NBAS: variants seen among roughly 807,000 people sequenced by gnomAD.
The protein encoded by NBAS is NAG/BC035112 fusion.
Under a neutral mutation model 302.5 loss-of-function variants are expected in NBAS, and 219 were observed. That is an observed-to-expected ratio of 0.72 (90% confidence interval 0.65 to 0.81). The LOEUF (loss-of-function observed/expected upper bound fraction) is 0.81, where lower values mean the gene tolerates loss of function less well. Among genes scored for constraint, NBAS ranks in the 30% least tolerant of loss-of-function variants. The pLI, the probability that NBAS is intolerant of heterozygous loss-of-function variation, is 0.00. For synonymous variants in NBAS, 1,118 were observed against 1,021.6 expected (o/e 1.09, Z -1.80); for missense variants, 2,932 against 2,841.6 (o/e 1.03, Z -0.72).
In NBAS at chr2:15,536,518, T is replaced by C. The variant is rs749979967; in HGVS notation, c.547A>G (p.Ile183Val). The change falls in exon 8 of 52, where the codon ATT (isoleucine) becomes GTT (valine). Residue 183 changes from isoleucine (I) to valine (V), a missense_variant. Ile to Val is a conservative substitution (Grantham distance 29, BLOSUM62 3). Coordinates refer to ENST00000281513, the MANE Select transcript of NBAS (RefSeq NM_015909.4). The part of the protein sequence containing the change: ...SSFIGDLSYA[I>V]AGLIFLEYKA... ...TATTCTAAAAATATCAACCCAGCAA[T>C]GGCATAGCTTAAGTCACCTATAAAA... 17 of 1,611,868 alleles carry C rather than the reference T, an allele frequency of 1.1e-5. No homozygotes were observed. The South Asian group carries it at 1.8e-4, about 17-fold the overall frequency.
intron 40 of NBAS, among the ~76,000 whole-genome samples, chr2:15,293,727 T>G (rs1670423930): frequency 6.6e-6 from 1 of 152,172 alleles, no homozygotes; most frequent in Admixed American, 6.5e-5. Context: ...TTCTAATGTG[T>G]AAGCCATTAT....
the NBAS span, among the ~76,000 whole-genome samples, chr2:14,988,823 C>T: frequency 6.6e-6 from 1 of 151,966 alleles, no homozygotes. Context: ...CTGATAAACC[C>T]CTAGTACTTG....
chr2:14,902,537 A>G, the NBAS span, among the ~76,000 whole-genome samples: 3 of 152,184 alleles, frequency 2.0e-5, no homozygotes, highest in Non-Finnish European at 4.4e-5. Context: ...GTATATGTAG[A>G]CCCATGTGTA....
the NBAS span, among the ~76,000 whole-genome samples, chr2:15,144,877 C>T: frequency 3.9e-5 from 6 of 152,154 alleles, no homozygotes; most frequent in Non-Finnish European, 7.4e-5. Flanking sequence ...AAAGAGAAGG[C>T]CATAGCAATA....
intron 11 of NBAS, 54 bp from the exon 12 acceptor site, chr2:15,489,076 C>T (rs568647550): frequency 1.1e-5 from 18 of 1,594,416 alleles, no homozygotes; most frequent in African/African-American, 1.1e-4. Context: ...ATGTAAATAA[C>T]TCAGAAGTAA....
At chr2:15,267,664 G>C (rs936280634) in intron 44 of NBAS, among the ~76,000 whole-genome samples, 13 of 152,018 alleles carry the variant, frequency 8.6e-5, no homozygotes, top group African/African-American at 3.1e-4. Flanking sequence ...TTCATTCAAA[G>C]ATGTAATGTA....
At chr2:14,848,085 C>G in the NBAS span, among the ~76,000 whole-genome samples, 3 of 151,788 alleles carry the variant, frequency 2.0e-5, no homozygotes, top group East Asian at 1.9e-4. Context: ...CCAAGATGGC[C>G]GAATAGGAAC....
At position 15,292,588 on chromosome 2, in the gene NBAS, C is replaced by T. The variant is rs201564440; in HGVS notation, c.4976G>A (p.Arg1659Gln). The change falls in exon 41 of 52, where the codon CGG becomes CAG. Residue 1659 changes from arginine to glutamine, a missense_variant. Transcript: ENST00000281513. ...QGLRKGVDVQ[R>Q]FTADDQYKRE... ...TTTATACTGGTCATCTGCAGTAAAC[C>T]GCTGCACGTCCACACCCTTCCGAAG... The T allele has an allele frequency of 1.6e-5, 26 of 1,614,142 alleles. No homozygotes were observed. The highest frequency in any genetic ancestry group is 1.1e-4 in the East Asian group (5 of 44,866).
chr2:14,810,966 G>C, the NBAS span, among the ~76,000 whole-genome samples: 1 of 152,158 alleles, frequency 6.6e-6, no homozygotes, highest in South Asian at 2.1e-4. Context: ...TGGAGTGCCT[G>C]ATTTCAGATC....
intron 34 of NBAS, among the ~76,000 whole-genome samples, 180 bp from the exon 35 acceptor site, chr2:15,352,261 T>G (rs1673396753): frequency 6.6e-6 from 1 of 152,156 alleles, no homozygotes; most frequent in Non-Finnish European, 1.5e-5. Context: ...ATGCAATGGT[T>G]TCAGAAGTGG....
At chr2:15,530,333 G>C (rs192762781) in intron 9 of NBAS, among the ~76,000 whole-genome samples, 1 of 151,696 alleles carries the variant, frequency 6.6e-6, no homozygotes, top group Admixed American at 6.6e-5. Context: ...ATTTTTAAAA[G>C]AACTAAAGAG....
intron 32 of NBAS, among the ~76,000 whole-genome samples, chr2:15,361,278 C>T (rs1424046761): frequency 2.0e-5 from 3 of 151,964 alleles, no homozygotes; most frequent in East Asian, 1.9e-4. Flanking sequence ...TTTGGGAGGC[C>T]GAGGTGGGTG....
At chr2:15,145,045 G>A in the NBAS span, among the ~76,000 whole-genome samples, 14 of 152,018 alleles carry the variant, frequency 9.2e-5, no homozygotes, top group Admixed American at 3.3e-4. Context: ...TAAAACAGTG[G>A]GCTAATGAAG....
the NBAS span, among the ~76,000 whole-genome samples, chr2:15,080,345 C>A: frequency 6.6e-5 from 10 of 152,350 alleles, no homozygotes; most frequent in South Asian, 2.1e-3. Context: ...AGAGATTCAA[C>A]TTCAGAGCCA....
intron 33 of NBAS, among the ~76,000 whole-genome samples, chr2:15,355,638 C>T (rs916201651): frequency 5.9e-5 from 9 of 152,014 alleles, no homozygotes; most frequent in South Asian, 2.1e-4. Context: ...ACATCATATC[C>T]ACTTGGTGCT....
chr2:14,964,324 T>C, the NBAS span, among the ~76,000 whole-genome samples: 1 of 152,186 alleles, frequency 6.6e-6, no homozygotes, highest in African/African-American at 2.4e-5. Flanking sequence ...ATTAGTAAGA[T>C]TCAAATCAAA....
chr2:15,029,584 C>T, the NBAS span, among the ~76,000 whole-genome samples: 8 of 152,138 alleles, frequency 5.3e-5, no homozygotes, highest in Non-Finnish European at 1.2e-4. Flanking sequence ...AACACGCATG[C>T]GTATATCACG....
chr2:14,879,481 A>G, the NBAS span, among the ~76,000 whole-genome samples: 1 of 152,198 alleles, frequency 6.6e-6, no homozygotes, highest in East Asian at 1.9e-4. Flanking sequence ...CGGTGACATT[A>G]ACCGTATATT....
At chr2:15,054,636 C>T in the NBAS span, among the ~76,000 whole-genome samples, 640 of 152,334 alleles carry the variant, frequency 4.2e-3, 5 homozygotes, top group African/African-American at 0.015. Context: ...TGTTCACCAT[C>T]AGCATCTCTG....
Sources: allele counts gnomAD v4.1 joint callset (sites outside exome capture counted in the v4.1 genomes callset), GRCh38; gene constraint gnomAD v4.1.1; transcripts MANE v1.5; gene names NCBI Gene and HGNC (gene_info 2026-07-23, HGNC 2026-07-21).